Variants in TEAD1 observed in about 807,000 individuals in gnomAD.
TEAD1 encodes the protein transcriptional enhancer factor TEF-1.
A neutral mutation model predicts 54.9 loss-of-function variants in TEAD1; 9 were observed. The observed-to-expected ratio is 0.16, with a 90% confidence interval of 0.10 to 0.29. TEAD1 has a LOEUF of 0.29. Among genes scored for constraint, TEAD1 ranks in the 10% least tolerant of loss-of-function variants. TEAD1 has a pLI of 1.00. For synonymous variants in TEAD1, 200 were observed against 187.8 expected (o/e 1.07, Z -0.53); for missense variants, 387 against 535.9 (o/e 0.72, Z 2.74).
At chr11:12,825,447 A>G (rs1028311036) in intron 3 of TEAD1, among the ~76,000 whole-genome samples, 2 of 152,246 alleles carry the variant, frequency 1.3e-5, no homozygotes, top group Non-Finnish European at 2.9e-5. Flanking sequence ...ACTAGCACCA[A>G]GCAATCTGAA....
chr11:12,874,771 C>T (rs972927062), intron 5 of TEAD1, among the ~76,000 whole-genome samples: 3 of 152,162 alleles, frequency 2.0e-5, no homozygotes, highest in African/African-American at 7.2e-5. Context: ...ACCCATAGTT[C>T]CTGCTCCATG....
chr11:12,787,864 T>G (rs191069802), intron 3 of TEAD1, among the ~76,000 whole-genome samples: 1 of 152,296 alleles, frequency 6.6e-6, no homozygotes, highest in Non-Finnish European at 1.5e-5. Flanking sequence ...GTCAGCCAGT[T>G]TTGATGATGA....
At position 12,938,123 on chromosome 11, in the gene TEAD1, ATATTTTATATGGACGACCAAATTTTT is replaced by A. The variant is rs1457204694; in HGVS notation, c.*906_*931del. On this transcript the variant is annotated 3_prime_UTR_variant, in exon 13 of 13. Coordinates refer to ENST00000527636, the MANE Select transcript of TEAD1 (RefSeq NM_021961.6). Reference sequence around the variant, plus strand: ...TGTTTATAGTCTTGTGTGTGCAGTTATATTTTATATGGACGACCAAATTTTTTATTAAGATGAGTAAATATTTGAAC... The same window carrying A: ...TGTTTATAGTCTTGTGTGTGCAGTTATATTAAGATGAGTAAATATTTGAAC... 6.5e-6 allele frequency: 1 copy of A among 152,676 alleles called. No homozygotes were observed. Among genetic ancestry groups the A allele is most frequent in the East Asian group, 1.9e-4 (1 of 5,206 alleles). 9.5% of individuals were successfully genotyped at this position (152,676 alleles called of 1,614,324 possible).
chr11:12,727,394 T>TGGAG (rs1047862747), intron 2 of TEAD1, among the ~76,000 whole-genome samples: 6 of 152,148 alleles, frequency 3.9e-5, no homozygotes, highest in Non-Finnish European at 8.8e-5. Context: ...TCGGGTCCTG[T>TGGAG]GGGCCCTGGG....
intron 2 of TEAD1, among the ~76,000 whole-genome samples, chr11:12,686,336 TTTCTG>T: frequency 6.6e-6 from 1 of 152,180 alleles, no homozygotes; most frequent in Admixed American, 6.5e-5. Flanking sequence ...TCCCAGGCCA[TTTCTG>T]AGGCCACAGC....
intron 3 of TEAD1, among the ~76,000 whole-genome samples, chr11:12,821,192 G>A (rs1424222344): frequency 6.6e-6 from 1 of 152,198 alleles, no homozygotes; most frequent in Non-Finnish European, 1.5e-5. Flanking sequence ...TGTGTATGGT[G>A]TGTTGTTGAG....
intron 10 of TEAD1, among the ~76,000 whole-genome samples, chr11:12,912,881 T>G (rs6486074): frequency 0.96 from 145,930 of 151,998 alleles, 70,334 homozygotes; most frequent in East Asian, 1. Flanking sequence ...GGGTCCTTTG[T>G]CTCTGTGATT....
At chr11:12,805,524 A>G (rs1053486583) in intron 3 of TEAD1, among the ~76,000 whole-genome samples, 3 of 152,232 alleles carry the variant, frequency 2.0e-5, no homozygotes, top group African/African-American at 7.2e-5. Context: ...ATATTATTAT[A>G]AAAATGATCT....
intron 10 of TEAD1, among the ~76,000 whole-genome samples, chr11:12,916,506 G>A (rs1948715345): frequency 1.3e-5 from 2 of 152,188 alleles, no homozygotes; most frequent in South Asian, 4.1e-4. Context: ...GTGATGATAG[G>A]TATTGTTAAT....
chr11:12,867,959 G>A (rs1383110738), intron 5 of TEAD1, among the ~76,000 whole-genome samples: 1 of 152,206 alleles, frequency 6.6e-6, no homozygotes, highest in African/African-American at 2.4e-5. Context: ...TATCCTTGCA[G>A]ACACTGCCCT....
chr11:12,868,444 C>G (rs953947970), intron 5 of TEAD1, among the ~76,000 whole-genome samples: 5 of 152,142 alleles, frequency 3.3e-5, no homozygotes, highest in African/African-American at 1.2e-4. Context: ...GAAGTTCTGC[C>G]ATGTTCCTAG....
chr11:12,833,422 T>G (rs1227993646), intron 3 of TEAD1, among the ~76,000 whole-genome samples: 1 of 152,204 alleles, frequency 6.6e-6, no homozygotes, highest in Non-Finnish European at 1.5e-5. Flanking sequence ...ATGAATCTAA[T>G]ATATGCAAAG....
In TEAD1 at chr11:12,939,639, C is replaced by G. The variant is rs1949141645; in HGVS notation, c.*2417C>G. ...GGCCCCCCTGGTGCTTCACCACCTG[C>G]ATCCTCTTGCTCAGAATGCCTTTGC... On this transcript the variant is annotated 3_prime_UTR_variant, in exon 13 of 13. Transcript: ENST00000527636. The G allele has an allele frequency of 6.6e-6, 1 of 152,366 alleles. No individual in the cohort carries two copies. The highest frequency in any genetic ancestry group is 2.4e-5 in the African/African-American group (1 of 41,480). The allele number at this position is 152,366 out of a possible 1,614,324, so 9.4% of individuals were successfully genotyped here.
chr11:12,885,368 T>A (rs1948066610), intron 9 of TEAD1, among the ~76,000 whole-genome samples: 1 of 151,640 alleles, frequency 6.6e-6, no homozygotes. Context: ...CCCGAGTAGC[T>A]GGGACTACAG....
chr11:12,741,906 C>A (rs1944658395), intron 2 of TEAD1, among the ~76,000 whole-genome samples: 1 of 152,168 alleles, frequency 6.6e-6, no homozygotes, highest in South Asian at 2.1e-4. Context: ...TGCTTTTCAG[C>A]AGAAAAATCA....
At chr11:12,750,209 C>G (rs747420530) in intron 2 of TEAD1, among the ~76,000 whole-genome samples, 1 of 152,138 alleles carries the variant, frequency 6.6e-6, no homozygotes, top group Non-Finnish European at 1.5e-5. Flanking sequence ...GCATAGCAGC[C>G]TGGTTCCCAT....
At chr11:12,919,544 G>A (rs190871982) in intron 10 of TEAD1, among the ~76,000 whole-genome samples, 65 of 151,996 alleles carry the variant, frequency 4.3e-4, no homozygotes, top group Middle Eastern at 3.4e-3. Context: ...CCAGGCTGGA[G>A]TGCAGTGGTA....
chr11:12,904,876 C>T (rs921833554), intron 10 of TEAD1: 11 of 358,182 alleles, frequency 3.1e-5, no homozygotes, highest in African/African-American at 1.1e-4. Context: ...ACACCTGTTA[C>T]GGCAAATTCA....
chr11:12,928,283 CTT>C (rs35934347), intron 11 of TEAD1, among the ~76,000 whole-genome samples: 7 of 135,466 alleles, frequency 5.2e-5, no homozygotes, highest in Non-Finnish European at 7.8e-5. Flanking sequence ...TTTTCTTTTC[CTT>C]TTTTTTTTTT....
Sources: allele counts gnomAD v4.1 joint callset (sites outside exome capture counted in the v4.1 genomes callset), GRCh38; gene constraint gnomAD v4.1.1; transcripts MANE v1.5; gene names NCBI Gene and HGNC (gene_info 2026-07-23, HGNC 2026-07-21).